XXYLT1: variants seen among roughly 807,000 people sequenced by gnomAD.
The protein encoded by XXYLT1 is UDP-xylose:alpha-xyloside alpha-1,3-xylosyltransferase.
XXYLT1 carries 20 observed loss-of-function variants against 28.9 expected under a neutral mutation model. That is an observed-to-expected ratio of 0.69 (90% confidence interval 0.49 to 1.00). XXYLT1 has a LOEUF of 1.00. Ranked by LOEUF, XXYLT1 falls within the 50% of genes least tolerant of loss-of-function variation. The pLI is 0.00. For missense variants in XXYLT1, 542 were observed against 560.1 expected, an observed-to-expected ratio of 0.97 and a Z score of 0.33; for synonymous variants, 257 against 253.8, an observed-to-expected ratio of 1.01 and a Z score of -0.12.
chr3:195,246,776 C>T (rs920716714), intron 1 of XXYLT1, among the ~76,000 whole-genome samples: 8 of 152,228 alleles, frequency 5.3e-5, no homozygotes, highest in Non-Finnish European at 1.2e-4. Context: ...GCCTTCCAGA[C>T]ACCGTGACAC....
intron 3 of XXYLT1, among the ~76,000 whole-genome samples, chr3:195,151,544 A>T (rs1228883140): frequency 6.6e-6 from 1 of 151,992 alleles, no homozygotes; most frequent in Non-Finnish European, 1.5e-5. Context: ...AAATAAAAAA[A>T]TTAAAAAAAT....
At chr3:195,170,646 G>A (rs1315172233) in intron 2 of XXYLT1, among the ~76,000 whole-genome samples, 1 of 152,202 alleles carries the variant, frequency 6.6e-6, no homozygotes, top group Non-Finnish European at 1.5e-5. Context: ...ATCTTGGAAA[G>A]AGCAGATGCT....
intron 3 of XXYLT1, among the ~76,000 whole-genome samples, chr3:195,138,531 C>T (rs956383474): frequency 2.6e-5 from 4 of 152,148 alleles, no homozygotes; most frequent in Non-Finnish European, 2.9e-5. Context: ...AGCATCTCAC[C>T]TGTGCCTCGA....
chr3:195,143,888 ATTTATTTTTTATT>A (rs1719688510), intron 3 of XXYLT1, among the ~76,000 whole-genome samples: 1 of 116,772 alleles, frequency 8.6e-6, no homozygotes, highest in African/African-American at 3.3e-5. Context: ...ATATATATAT[ATTTATTTTTTATT>A]TTTATTTTTT....
At chr3:195,264,057 A>G (rs1725769430) in intron 1 of XXYLT1, among the ~76,000 whole-genome samples, 2 of 152,130 alleles carry the variant, frequency 1.3e-5, no homozygotes, top group South Asian at 4.1e-4. Context: ...TCCTTAAGGC[A>G]GGAGGATCTA....
At chr3:195,102,392 C>T (rs1451263736) in intron 3 of XXYLT1, among the ~76,000 whole-genome samples, 1 of 152,206 alleles carries the variant, frequency 6.6e-6, no homozygotes, top group Non-Finnish European at 1.5e-5. Context: ...TCATCCCACA[C>T]GTCTGCTACG....
Position 195,139,922 on chromosome 3 carries a change from A to G in XXYLT1, c.785+16527T>C, listed in dbSNP as rs146727255. Among the ~76,000 whole-genome samples the G allele has an allele frequency of 2.2e-3, 337 of 152,270 alleles. 2 individuals carry two copies. The highest frequency in any genetic ancestry group is 7.7e-3 in the African/African-American group (318 of 41,538). On this transcript the variant is annotated intron_variant, in intron 3 of 3. Coordinates refer to ENST00000310380, the MANE Select transcript of XXYLT1 (RefSeq NM_152531.5). ...CTGGAGATTCTGTGGCAGACATAAT[A>G]CAAGCCCATCCAGGAGGCATAAGGC...
chr3:195,158,754 C>T (rs776466366), intron 2 of XXYLT1, among the ~76,000 whole-genome samples: 3 of 152,258 alleles, frequency 2.0e-5, no homozygotes, highest in African/African-American at 2.4e-5. Flanking sequence ...GTCCTGCGGG[C>T]ACCTGTCCAG....
chr3:195,138,857 G>GAAAAAAAA (rs552573280), intron 3 of XXYLT1, among the ~76,000 whole-genome samples: 7 of 84,084 alleles, frequency 8.3e-5, no homozygotes, highest in South Asian at 4.0e-4. Flanking sequence ...TCTGCCTCAG[G>GAAAAAAAA]AAAAAAAAAA....
intron 3 of XXYLT1, among the ~76,000 whole-genome samples, chr3:195,149,149 A>T (rs950034203): frequency 6.6e-6 from 1 of 152,246 alleles, no homozygotes; most frequent in African/African-American, 2.4e-5. Flanking sequence ...AAGGATGGTC[A>T]AGATACACTG....
intron 3 of XXYLT1, among the ~76,000 whole-genome samples, chr3:195,121,205 C>T (rs1577053244): frequency 1.3e-5 from 2 of 152,356 alleles, no homozygotes; most frequent in Admixed American, 1.3e-4. Context: ...AGAGGTCTAT[C>T]TTTTCACCCG....
chr3:195,264,613 CCT>C (rs1393995348), intron 1 of XXYLT1, among the ~76,000 whole-genome samples: 2 of 152,226 alleles, frequency 1.3e-5, no homozygotes, highest in Non-Finnish European at 2.9e-5. Flanking sequence ...AAATCCATCT[CCT>C]ATACATTCCC....
intron 3 of XXYLT1, chr3:195,153,803 C>T (rs973526869): frequency 7.2e-5 from 11 of 152,354 alleles, no homozygotes; most frequent in African/African-American, 2.4e-4. Context: ...GCCTTGAAGG[C>T]ATTGGCGCTG....
In XXYLT1 at chr3:195,069,839, T is replaced by A; in HGVS notation, c.1058A>T (p.Asn353Ile). ...KLFHVLDCTW[N>I]RQLCTWWRDH... is the part of the protein sequence containing the mutation. ...CCTCCACCAGGTGCACAGCTGCCGG[T>A]TCCAGGTACAGTCCAGCACATGGAA... is the stretch of plus-strand genomic sequence containing the variant. The change falls in exon 4 of 4, where the codon AAC becomes ATC. Residue 353 changes from asparagine (N) to isoleucine (I), a missense_variant. Transcript: ENST00000310380. The A allele has an allele frequency of 6.2e-7, 1 of 1,614,176 alleles. No homozygotes were observed. Among genetic ancestry groups the A allele is most frequent in the Non-Finnish European group, 8.5e-7 (1 of 1,180,020 alleles).
chr3:195,104,958 G>C (rs1462338984), intron 3 of XXYLT1, among the ~76,000 whole-genome samples: 1 of 152,292 alleles, frequency 6.6e-6, no homozygotes, highest in Non-Finnish European at 1.5e-5. Context: ...TGGTCAAAAC[G>C]CAGCTTTGGA....
chr3:195,079,821 C>CA (rs778399154), intron 3 of XXYLT1, among the ~76,000 whole-genome samples: 8 of 152,152 alleles, frequency 5.3e-5, no homozygotes, highest in Middle Eastern at 6.8e-3. Flanking sequence ...AATCTGTTTA[C>CA]AAGGGGCTCT....
intron 3 of XXYLT1, among the ~76,000 whole-genome samples, chr3:195,100,731 C>T (rs371403572): frequency 3.7e-4 from 56 of 152,310 alleles, no homozygotes; most frequent in African/African-American, 1.2e-3. Context: ...GCTCACAGGC[C>T]ATGTCCTTTG....
chr3:195,162,598 G>A (rs896965770), intron 2 of XXYLT1, among the ~76,000 whole-genome samples: 4 of 152,140 alleles, frequency 2.6e-5, no homozygotes, highest in Admixed American at 6.5e-5. Context: ...TGTTTATAGC[G>A]CCCAGCTCCT....
At chr3:195,148,678 G>A (rs1720008737) in intron 3 of XXYLT1, among the ~76,000 whole-genome samples, 1 of 152,154 alleles carries the variant, frequency 6.6e-6, no homozygotes, top group South Asian at 2.1e-4. Context: ...ATCCTGACAT[G>A]AGGCAATCTG....
Sources: allele counts gnomAD v4.1 joint callset (sites outside exome capture counted in the v4.1 genomes callset), GRCh38; gene constraint gnomAD v4.1.1; transcripts MANE v1.5; gene names NCBI Gene and HGNC (gene_info 2026-07-23, HGNC 2026-07-21).